The following KIFAP3 variants were observed in gnomAD, a reference collection of about 807,000 sequenced individuals.
KIFAP3 encodes kinesin-associated protein 3.
In KIFAP3, 68 loss-of-function variants were observed where a neutral mutation model predicts 106.5. That is an observed-to-expected ratio of 0.64 (90% CI 0.53 to 0.78). The LOEUF is 0.78. Among genes scored for constraint, KIFAP3 ranks in the 30% least tolerant of loss-of-function variants. KIFAP3 has a pLI of 0.00. For missense variants in KIFAP3, 780 were observed against 941.8 expected, an observed-to-expected ratio of 0.83 and a Z score of 2.25; for synonymous variants, 320 against 311.5, an observed-to-expected ratio of 1.03 and a Z score of -0.29.
intron 19 of KIFAP3, among the ~76,000 whole-genome samples, chr1:169,925,914 T>C (rs1663107007): frequency 6.6e-6 from 1 of 152,196 alleles, no homozygotes; most frequent in Non-Finnish European, 1.5e-5. Context: ...ACACAAGCCT[T>C]TTTCTTCTTT....
At chr1:169,964,904 A>T (rs190965330) in intron 17 of KIFAP3, among the ~76,000 whole-genome samples, 1 of 152,162 alleles carries the variant, frequency 6.6e-6, no homozygotes, top group South Asian at 2.1e-4. Flanking sequence ...GCTCAATTAA[A>T]GTTAGCTGCA....
intron 10 of KIFAP3, among the ~76,000 whole-genome samples, chr1:169,996,380 A>G (rs1369426529): frequency 6.6e-6 from 1 of 152,222 alleles, no homozygotes; most frequent in Non-Finnish European, 1.5e-5. Flanking sequence ...ACACAAGGCT[A>G]TGGACAACTA....
At chr1:170,041,492 A>T (rs1185971439) in intron 3 of KIFAP3, among the ~76,000 whole-genome samples, 3 of 152,160 alleles carry the variant, frequency 2.0e-5, no homozygotes, top group African/African-American at 7.2e-5. Flanking sequence ...AAATGTAAAA[A>T]ATTAGCCAGG....
At chr1:170,060,914 G>T (rs985980828) in intron 1 of KIFAP3, among the ~76,000 whole-genome samples, 1 of 152,164 alleles carries the variant, frequency 6.6e-6, no homozygotes, top group Admixed American at 6.5e-5. Flanking sequence ...ATGGGGAAAG[G>T]ATTCCCTATT....
At chr1:170,008,583 C>T (rs1045373165) in intron 10 of KIFAP3, among the ~76,000 whole-genome samples, 1 of 152,106 alleles carries the variant, frequency 6.6e-6, no homozygotes, top group African/African-American at 2.4e-5. Flanking sequence ...TCATCTTATG[C>T]CAGTTAGAAT....
At chr1:169,990,743 C>T (rs1248827782) in intron 11 of KIFAP3, among the ~76,000 whole-genome samples, 1 of 151,986 alleles carries the variant, frequency 6.6e-6, no homozygotes. Flanking sequence ...AATCAATAAA[C>T]TCCTTCAAGA....
chr1:169,962,477 A>G (rs1198202195), intron 17 of KIFAP3, among the ~76,000 whole-genome samples: 1 of 152,160 alleles, frequency 6.6e-6, no homozygotes, highest in Non-Finnish European at 1.5e-5. Flanking sequence ...ATTTCATGTC[A>G]TTGTTAGAGT....
At chr1:169,938,143 T>C (rs1360397979) in intron 19 of KIFAP3, among the ~76,000 whole-genome samples, 1 of 151,944 alleles carries the variant, frequency 6.6e-6, no homozygotes, top group African/African-American at 2.4e-5. Context: ...GAAAATAAAA[T>C]AAAATTTTTC....
intron 1 of KIFAP3, among the ~76,000 whole-genome samples, chr1:170,064,281 G>T (rs1671326308): frequency 6.6e-6 from 1 of 152,124 alleles, no homozygotes. Context: ...GTGAAATGTT[G>T]AGGTGGTTAC....
chr1:170,062,388 T>C (rs114206402), intron 1 of KIFAP3, among the ~76,000 whole-genome samples: 2,252 of 150,776 alleles, frequency 0.015, 54 homozygotes, highest in African/African-American at 0.051. Context: ...TTTTTTCATT[T>C]TTTAAAAAAA....
At chr1:169,997,552 T>A (rs141306219) in intron 10 of KIFAP3, among the ~76,000 whole-genome samples, 1 of 152,138 alleles carries the variant, frequency 6.6e-6, no homozygotes, top group Non-Finnish European at 1.5e-5. Flanking sequence ...CCACTTACCT[T>A]TCTACCTAGT....
At chr1:170,072,073 T>C (rs1165597694) in intron 1 of KIFAP3, among the ~76,000 whole-genome samples, 1 of 152,252 alleles carries the variant, frequency 6.6e-6, no homozygotes, top group Non-Finnish European at 1.5e-5. Context: ...ATCACTTGGC[T>C]TAATGACTTT....
upstream of KIFAP3, among the ~76,000 whole-genome samples, chr1:170,076,608 C>A (rs1417138789): frequency 6.6e-6 from 1 of 152,144 alleles, no homozygotes; most frequent in African/African-American, 2.4e-5. Flanking sequence ...ACTCTGAAAG[C>A]TGGTAATTAA....
intron 15 of KIFAP3, among the ~76,000 whole-genome samples, chr1:169,980,175 C>T (rs1438195577): frequency 6.6e-6 from 1 of 152,092 alleles, no homozygotes; most frequent in African/African-American, 2.4e-5. Flanking sequence ...TATTTTCTTA[C>T]ATGAGTGATA....
intron 8 of KIFAP3, among the ~76,000 whole-genome samples, chr1:170,031,136 A>G (rs1669386992): frequency 6.6e-6 from 1 of 151,772 alleles, no homozygotes; most frequent in Non-Finnish European, 1.5e-5. Flanking sequence ...CACAGATAAT[A>G]CCTATTATTT....
intron 3 of KIFAP3, among the ~76,000 whole-genome samples, chr1:170,040,067 G>T (rs1326773497): frequency 6.6e-6 from 1 of 151,998 alleles, no homozygotes; most frequent in South Asian, 2.1e-4. Context: ...ATATATGATA[G>T]AATTAGTCAT....
intron 17 of KIFAP3, among the ~76,000 whole-genome samples, chr1:169,966,187 T>C (rs913622260): frequency 6.6e-5 from 10 of 151,926 alleles, no homozygotes; most frequent in African/African-American, 2.4e-4. Flanking sequence ...CATTATTGTT[T>C]ACAGGATCAC....
intron 2 of KIFAP3, among the ~76,000 whole-genome samples, chr1:170,048,918 G>A (rs1050449952): frequency 3.3e-5 from 5 of 152,146 alleles, no homozygotes; most frequent in East Asian, 1.9e-4. Context: ...GGCAGGCACC[G>A]AGCTAGCTGC....
In KIFAP3 at chr1:169,972,517, A is replaced by G; in HGVS notation, c.1979T>C (p.Ile660Thr). 1.5e-6 allele frequency: 2 copies of G among 1,373,000 alleles called. No homozygotes were observed. Among genetic ancestry groups the G allele is most frequent in the Non-Finnish European group, 2.1e-6 (2 of 967,344 alleles). The allele number at this position is 1,373,000 out of a possible 1,614,324, so 85.1% of individuals were successfully genotyped here. Residue 660 changes from isoleucine to threonine, a missense_variant, in exon 17 of 20, where the codon ATA (isoleucine) becomes ACA (threonine). Coordinates refer to ENST00000361580, the MANE Select transcript of KIFAP3 (RefSeq NM_014970.4). ...RKVCDNTLDI[I>T]AEYDEEWAKK... ...GTAGAAAAAATAATTACTTACCGCT[A>G]TAATATCTAATGTATTATCACAGAC...
Sources: gnomAD v4.1 joint callset for allele counts (sites outside exome capture counted in the v4.1 genomes callset) on GRCh38, gnomAD v4.1.1 for gene constraint, MANE v1.5 for transcripts, NCBI Gene and HGNC (gene_info 2026-07-23, HGNC 2026-07-21) for gene names.